The following OPCML variants were observed in gnomAD, a reference collection of about 807,000 sequenced individuals.
OPCML encodes the protein opioid binding protein/cell adhesion molecule like.
OPCML carries 13 observed loss-of-function variants against 37.8 expected under a neutral mutation model. The observed-to-expected ratio is 0.34, with a 90% CI of 0.22 to 0.55. The LOEUF is 0.55. Ranked by LOEUF, OPCML falls within the 20% of genes least tolerant of loss-of-function variation. OPCML has a pLI of 0.91. For synonymous variants in OPCML, 176 were observed against 168.8 expected (o/e 1.04, Z -0.33); for missense variants, 341 against 435.6 (o/e 0.78, Z 1.93).
intron 1 of OPCML, among the ~76,000 whole-genome samples, chr11:133,041,895 G>A (rs1246682892): frequency 6.6e-6 from 1 of 152,084 alleles, no homozygotes; most frequent in Non-Finnish European, 1.5e-5. Context: ...CCTCAAGAAG[G>A]CAACACTGTT....
intron 2 of OPCML, among the ~76,000 whole-genome samples, chr11:132,909,445 T>C (rs1944351549): frequency 6.6e-6 from 1 of 152,244 alleles, no homozygotes; most frequent in Non-Finnish European, 1.5e-5. Flanking sequence ...CTGCATGCTG[T>C]GTGCCACAGC....
intron 2 of OPCML, among the ~76,000 whole-genome samples, chr11:132,858,512 T>G (rs1275227936): frequency 2.6e-5 from 4 of 152,212 alleles, no homozygotes; most frequent in African/African-American, 4.8e-5. Context: ...GTGACCCGTG[T>G]GGAGAGGTTA....
intron 4 of OPCML, among the ~76,000 whole-genome samples, chr11:132,517,290 G>A (rs575118437): frequency 6.6e-6 from 1 of 152,274 alleles, no homozygotes; most frequent in South Asian, 2.1e-4. Flanking sequence ...TTAGAAAGAA[G>A]TATAAATGGC....
chr11:132,614,709 T>TA (rs973574386), intron 3 of OPCML, among the ~76,000 whole-genome samples: 1 of 152,200 alleles, frequency 6.6e-6, no homozygotes, highest in African/African-American at 2.4e-5. Context: ...TATTCACAGG[T>TA]AAAATCTTCA....
intron 3 of OPCML, among the ~76,000 whole-genome samples, chr11:132,585,059 T>C (rs1203773529): frequency 6.6e-6 from 1 of 152,180 alleles, no homozygotes. Flanking sequence ...TGGTTCACTA[T>C]GTATGGAGAC....
At chr11:132,615,831 G>A (rs1227323618) in intron 3 of OPCML, among the ~76,000 whole-genome samples, 4 of 152,270 alleles carry the variant, frequency 2.6e-5, no homozygotes, top group Non-Finnish European at 5.9e-5. Flanking sequence ...AACCTGTAGA[G>A]AAGAAGAATC....
intron 2 of OPCML, among the ~76,000 whole-genome samples, chr11:132,701,527 T>C (rs774112555): frequency 4.6e-4 from 70 of 152,190 alleles, no homozygotes; most frequent in South Asian, 8.3e-4. Flanking sequence ...TTTCAGCCTA[T>C]GTTTGTCTTT....
At position 132,747,823 on chromosome 11, in the gene OPCML, G is replaced by A. The variant is rs370311472; in HGVS notation, c.147-90504C>T. Among the ~76,000 whole-genome samples, 67 of 152,232 alleles carry A rather than the reference G, an allele frequency of 4.4e-4. 1 individual carries two copies. The East Asian group carries it at 5.6e-3, about 13-fold the overall frequency. ...GGCAGATGCAATATGCTGTTTTGGC[G>A]ACGTAGTGTATATATACTTAGAGAT... On this transcript the variant is annotated intron_variant, in intron 2 of 7. Coordinates refer to ENST00000524381, the MANE Select transcript of OPCML (RefSeq NM_001012393.5).
chr11:133,522,801 A>G (rs749308995), intron 1 of OPCML, among the ~76,000 whole-genome samples: 1 of 152,214 alleles, frequency 6.6e-6, no homozygotes, highest in Non-Finnish European at 1.5e-5. Flanking sequence ...ATAAAATGAA[A>G]GCACTCAACT....
At chr11:133,147,347 G>T (rs925990606) in intron 1 of OPCML, among the ~76,000 whole-genome samples, 1 of 152,136 alleles carries the variant, frequency 6.6e-6, no homozygotes, top group African/African-American at 2.4e-5. Flanking sequence ...ACTTTTGATA[G>T]TCTGGAGGCC....
intron 1 of OPCML, among the ~76,000 whole-genome samples, chr11:133,140,982 AGAAGAAGAAGAAGAAGACGAC>A (rs1255685815): frequency 5.0e-4 from 2 of 4,032 alleles, no homozygotes; most frequent in African/African-American, 8.3e-4. Context: ...AAGAAGAAGA[AGAAGAAGAAGAAGAAGACGAC>A]GACGACGACG....
chr11:133,265,181 C>T (rs752657726), intron 1 of OPCML, among the ~76,000 whole-genome samples: 2 of 152,180 alleles, frequency 1.3e-5, no homozygotes, highest in Non-Finnish European at 2.9e-5. Context: ...TCACATCTCC[C>T]TGCCGCTTCA....
intron 2 of OPCML, among the ~76,000 whole-genome samples, chr11:132,898,326 C>A (rs1943924144): frequency 6.6e-6 from 1 of 152,170 alleles, no homozygotes; most frequent in Non-Finnish European, 1.5e-5. Flanking sequence ...TCCCTCCATG[C>A]AATGCTTCTG....
intron 2 of OPCML, among the ~76,000 whole-genome samples, chr11:132,691,218 G>T: frequency 6.6e-6 from 1 of 152,204 alleles, no homozygotes; most frequent in East Asian, 1.9e-4. Flanking sequence ...ATTTGACTAT[G>T]TGAATTGTGA....
chr11:132,544,726 T>C (rs2096364942), intron 3 of OPCML, among the ~76,000 whole-genome samples: 1 of 152,134 alleles, frequency 6.6e-6, no homozygotes, highest in African/African-American at 2.4e-5. Context: ...GAAAAACCTC[T>C]TCGCTGGCCT....
chr11:133,282,857 T>A (rs1350375807), intron 1 of OPCML, among the ~76,000 whole-genome samples: 1 of 152,182 alleles, frequency 6.6e-6, no homozygotes, highest in Non-Finnish European at 1.5e-5. Flanking sequence ...ATTGGATCTT[T>A]AAGGTGTAAT....
At chr11:132,996,378 G>A (rs1391227830) in intron 1 of OPCML, among the ~76,000 whole-genome samples, 1 of 151,772 alleles carries the variant, frequency 6.6e-6, no homozygotes, top group Non-Finnish European at 1.5e-5. Flanking sequence ...CCAGCACTTT[G>A]GGGGACCGAG....
chr11:132,637,434 C>T (rs1940578227), intron 3 of OPCML, among the ~76,000 whole-genome samples: 1 of 152,150 alleles, frequency 6.6e-6, no homozygotes, highest in Admixed American at 6.5e-5. Context: ...CTCCATCTTT[C>T]AGTGGCCACA....
In OPCML at chr11:133,006,932, G is replaced by A. The variant is rs757791190; in HGVS notation, c.62-63922C>T. 3 of 985,322 alleles carry A rather than the reference G, an allele frequency of 3.0e-6. No homozygotes were observed. In the African/African-American group the frequency reaches 5.2e-5, roughly 17 times the overall value. The allele number at this position is 985,322 out of a possible 1,614,324, so 61.0% of individuals were successfully genotyped here. A position where few individuals can be genotyped will look rare whatever the true frequency, so the allele number is the denominator to read the frequency against. ...GGCTGGTGTAGTGCTTGTGGCATAA[G>A]CAGGAGGCCTACCTAATAAATGTCT... is the stretch of plus-strand genomic sequence containing the variant. On this transcript the variant is annotated intron_variant, in intron 1 of 7. Coordinates refer to ENST00000524381, the MANE Select transcript of OPCML (RefSeq NM_001012393.5).
Sources: allele counts gnomAD v4.1 joint callset (sites outside exome capture counted in the v4.1 genomes callset), GRCh38; gene constraint gnomAD v4.1.1; transcripts MANE v1.5; gene names NCBI Gene and HGNC (gene_info 2026-07-23, HGNC 2026-07-21).